Variants in HIBADH observed in about 807,000 individuals in gnomAD.
The protein encoded by HIBADH is 3-hydroxyisobutyrate dehydrogenase, also known as 3-hydroxyisobutyrate dehydrogenase, mitochondrial.
Under a neutral mutation model 36.1 loss-of-function variants are expected in HIBADH, and 25 were observed. That is an observed-to-expected ratio of 0.69 (90% CI 0.50 to 0.97). The LOEUF (loss-of-function observed/expected upper bound fraction) is 0.97. Ranked by LOEUF, HIBADH falls within the 50% of genes least tolerant of loss-of-function variation. The pLI, the probability that HIBADH is intolerant of heterozygous loss-of-function variation, is 0.00. For missense variants in HIBADH, 421 were observed against 418.0 expected, an observed-to-expected ratio of 1.01 and a Z score of -0.06; for synonymous variants, 160 against 149.5, an observed-to-expected ratio of 1.07 and a Z score of -0.51.
intron 4 of HIBADH, among the ~76,000 whole-genome samples, chr7:27,610,086 T>C (rs1785298527): frequency 6.6e-6 from 1 of 152,146 alleles, no homozygotes; most frequent in Admixed American, 6.5e-5. Flanking sequence ...CCCAAAGTGC[T>C]GGGATTACAG....
At chr7:27,662,518 G>C (rs118068561) in intron 1 of HIBADH, among the ~76,000 whole-genome samples, 180 bp downstream of exon 1, 4,750 of 152,282 alleles carry the variant, frequency 0.031, 110 homozygotes, top group South Asian at 0.091. Flanking sequence ...GCAGAGGGGG[G>C]TACTCGCGGA....
At position 27,531,154 on chromosome 7, in the gene HIBADH, G is replaced by A. The variant is rs151261943; in HGVS notation, c.852+38C>T. 1,004 of 1,568,216 alleles carry A rather than the reference G, an allele frequency of 6.4e-4. 8 individuals are homozygous for A. In the African/African-American group the frequency reaches 0.012, roughly 19 times the overall value. ...GGAAGGTGTTATTGGACCGTGAAAC[G>A]TTTTTCCTTCTCTCTTGGGTGTCTA... On this transcript the variant is annotated intron_variant, in intron 7 of 7. Coordinates refer to ENST00000265395, the MANE Select transcript of HIBADH (RefSeq NM_152740.4).
chr7:27,528,311 A>T (rs528511885), intron 7 of HIBADH, among the ~76,000 whole-genome samples: 1 of 152,272 alleles, frequency 6.6e-6, no homozygotes, highest in South Asian at 2.1e-4. Flanking sequence ...CAGCTGTCTC[A>T]CACTTTAAAT....
chr7:27,534,685 G>C (rs73686430), intron 6 of HIBADH, among the ~76,000 whole-genome samples: 1,932 of 152,100 alleles, frequency 0.013, 33 homozygotes, highest in African/African-American at 0.04. Context: ...GGAGCTTCTA[G>C]ATGGGAAGAC....
chr7:27,629,369 A>C lies in HIBADH; in HGVS notation c.484+2T>G. ...TTTGCATATATTTTAGCTACCACTT[A>C]CCACCAGAAACAGGGGCATCCATGA... On this transcript the variant is annotated splice_donor_variant, in intron 4 of 7. Transcript: ENST00000265395. LOFTEE classifies it high-confidence loss of function. The C allele has an allele frequency of 6.2e-7, 1 of 1,608,836 alleles. No individual in the cohort carries two copies. Among genetic ancestry groups the C allele is most frequent in the Non-Finnish European group, 8.5e-7 (1 of 1,177,666 alleles).
intron 4 of HIBADH, among the ~76,000 whole-genome samples, chr7:27,571,384 G>A (rs909832619): frequency 7.2e-5 from 11 of 151,956 alleles, no homozygotes; most frequent in South Asian, 4.2e-4. Flanking sequence ...CACCATGCCC[G>A]GCTAATTTTC....
intron 4 of HIBADH, among the ~76,000 whole-genome samples, chr7:27,595,892 G>A (rs904008606): frequency 5.9e-4 from 89 of 151,970 alleles, no homozygotes; most frequent in Admixed American, 2.7e-3. Context: ...AAACAAGATC[G>A]TAATTTGGAG....
chr7:27,552,347 T>C (rs1784330491), intron 4 of HIBADH, among the ~76,000 whole-genome samples: 1 of 152,210 alleles, frequency 6.6e-6, no homozygotes, highest in African/African-American at 2.4e-5. Flanking sequence ...TTATCCAAGC[T>C]GGAAACAGAA....
At chr7:27,581,287 G>C (rs1345920150) in intron 4 of HIBADH, among the ~76,000 whole-genome samples, 3 of 152,088 alleles carry the variant, frequency 2.0e-5, no homozygotes, top group Non-Finnish European at 4.4e-5. Context: ...ACCAGGGGTG[G>C]GGTCAAATTC....
intron 4 of HIBADH, among the ~76,000 whole-genome samples, chr7:27,553,235 A>G (rs1246006108): frequency 6.6e-6 from 1 of 152,240 alleles, no homozygotes; most frequent in Non-Finnish European, 1.5e-5. Flanking sequence ...GCTATATCTG[A>G]AACAGCTGAA....
At chr7:27,610,115 G>C (rs1414734047) in intron 4 of HIBADH, among the ~76,000 whole-genome samples, 1 of 151,882 alleles carries the variant, frequency 6.6e-6, no homozygotes, top group Non-Finnish European at 1.5e-5. Flanking sequence ...CATCACGCCT[G>C]GCCAAAAGTA....
chr7:27,619,468 T>TA (rs1270802713), intron 4 of HIBADH, among the ~76,000 whole-genome samples: 1 of 152,232 alleles, frequency 6.6e-6, no homozygotes, highest in Non-Finnish European at 1.5e-5. Flanking sequence ...TTTTAATTTT[T>TA]AAAAATCTTC....
intron 4 of HIBADH, among the ~76,000 whole-genome samples, chr7:27,585,252 T>TAC (rs1023610422): frequency 1.7e-5 from 2 of 120,372 alleles, no homozygotes; most frequent in South Asian, 2.8e-4. Context: ...TGTGCATATA[T>TAC]ACACACGTGT....
intron 4 of HIBADH, among the ~76,000 whole-genome samples, chr7:27,562,655 G>C (rs1220491485): frequency 6.6e-6 from 1 of 152,072 alleles, no homozygotes; most frequent in Non-Finnish European, 1.5e-5. Context: ...CCAATGCTTA[G>C]CTATGTTGCC....
intron 4 of HIBADH, among the ~76,000 whole-genome samples, chr7:27,610,538 C>T (rs896333681): frequency 6.6e-6 from 1 of 152,160 alleles, no homozygotes; most frequent in Non-Finnish European, 1.5e-5. Flanking sequence ...TAAATTCTTA[C>T]TGAGGTAAGA....
intron 1 of HIBADH, among the ~76,000 whole-genome samples, chr7:27,653,336 G>C (rs1786232188): frequency 6.6e-6 from 1 of 152,158 alleles, no homozygotes; most frequent in African/African-American, 2.4e-5. Context: ...TAAGAGAATA[G>C]TGTTATCAAT....
intron 4 of HIBADH, among the ~76,000 whole-genome samples, chr7:27,612,189 G>C (rs953010263): frequency 3.3e-5 from 5 of 152,058 alleles, no homozygotes; most frequent in Admixed American, 2.6e-4. Context: ...CAGAAGATGA[G>C]ATTAAAGTGT....
chr7:27,562,774 A>G (rs1053803107), intron 4 of HIBADH, among the ~76,000 whole-genome samples: 1 of 152,150 alleles, frequency 6.6e-6, no homozygotes, highest in East Asian at 1.9e-4. Flanking sequence ...ATTTCTTTTC[A>G]TATCTCAGAC....
chr7:27,603,762 A>G (rs146606329), intron 4 of HIBADH, among the ~76,000 whole-genome samples: 7 of 152,324 alleles, frequency 4.6e-5, no homozygotes, highest in African/African-American at 9.6e-5. Flanking sequence ...TAAGTTAAAC[A>G]TATTCCACTG....
Sources: gnomAD v4.1 joint callset for allele counts (sites outside exome capture counted in the v4.1 genomes callset) on GRCh38, gnomAD v4.1.1 for gene constraint, MANE v1.5 for transcripts, NCBI Gene and HGNC (gene_info 2026-07-23, HGNC 2026-07-21) for gene names.